The following PAM variants were observed in gnomAD, a reference collection of about 807,000 sequenced individuals.
PAM encodes peptidylglycine alpha-amidating monooxygenase.
A neutral mutation model predicts 122.1 loss-of-function variants in PAM; 72 were observed. The ratio of observed to expected loss-of-function variants is 0.59; its 90% confidence interval spans 0.49 to 0.72. PAM has a LOEUF of 0.72. PAM is among the 30% of genes least tolerant of loss of function. The pLI is 0.00. For missense variants in PAM, 1,106 were observed against 1,183.7 expected (o/e 0.93, Z 0.96); for synonymous variants, 389 against 404.4 (o/e 0.96, Z 0.46).
chr5:102,881,258 GA>G (rs1472405362), intron 3 of PAM, among the ~76,000 whole-genome samples: 2 of 151,730 alleles, frequency 1.3e-5, no homozygotes, highest in Non-Finnish European at 2.9e-5. Flanking sequence ...AGTTCCTATA[GA>G]TTTTGAAGAA....
intron 14 of PAM, among the ~76,000 whole-genome samples, chr5:102,972,737 G>C (rs1445149009): frequency 6.6e-6 from 1 of 152,174 alleles, no homozygotes; most frequent in African/African-American, 2.4e-5. Context: ...TTTTTCTTCT[G>C]TGAGGCAGAA....
At chr5:102,775,780 G>C (rs996276050) in intron 1 of PAM, among the ~76,000 whole-genome samples, 5 of 152,052 alleles carry the variant, frequency 3.3e-5, no homozygotes, top group Non-Finnish European at 5.9e-5. Flanking sequence ...TTGCTATTGT[G>C]AATAGTGCTG....
intron 3 of PAM, among the ~76,000 whole-genome samples, chr5:102,883,928 G>A (rs1430173986): frequency 6.6e-6 from 1 of 151,870 alleles, no homozygotes; most frequent in African/African-American, 2.4e-5. Context: ...ATAAAGGGAT[G>A]TTGGATTTTG....
chr5:102,786,135 T>A (rs1405615498), intron 1 of PAM, among the ~76,000 whole-genome samples: 1 of 152,184 alleles, frequency 6.6e-6, no homozygotes, highest in Non-Finnish European at 1.5e-5. Flanking sequence ...GAGAAAGAAC[T>A]GAGAGGACAC....
At chr5:102,955,032 AAC>A (rs1278824140) in intron 12 of PAM, among the ~76,000 whole-genome samples, 1 of 152,152 alleles carries the variant, frequency 6.6e-6, no homozygotes, top group Non-Finnish European at 1.5e-5. Flanking sequence ...AGAAATGATT[AAC>A]AGTTTTGTAA....
At position 102,910,555 on chromosome 5, in the gene PAM, G is replaced by A. The variant is rs17154828; in HGVS notation, c.269-3379G>A. 3.9e-3 allele frequency among the ~76,000 whole-genome samples: 592 copies of A among 151,924 alleles called. 21 individuals carry two copies. The South Asian group carries it at 0.091, about 23-fold the overall frequency. ...TGAACTGTTAGCTCCCATTGAGACC[G>A]AAGTACCATTTCCACTTAAGCAACT... On this transcript the variant is annotated intron_variant, in intron 4 of 25. Transcript: ENST00000438793.
chr5:102,847,849 C>T (rs957059358), intron 1 of PAM, among the ~76,000 whole-genome samples: 1 of 152,186 alleles, frequency 6.6e-6, no homozygotes, highest in Non-Finnish European at 1.5e-5. Flanking sequence ...CTACATCCTA[C>T]AATTTCTTCC....
intron 3 of PAM, among the ~76,000 whole-genome samples, chr5:102,890,436 C>G (rs1466532094): frequency 3.3e-5 from 5 of 151,844 alleles, no homozygotes; most frequent in Non-Finnish European, 7.4e-5. Context: ...CTCATTCCTT[C>G]TGAATTTGTC....
At chr5:103,003,298 T>C (rs1400827387) in intron 17 of PAM, 149 bp downstream of exon 17, 5 of 527,656 alleles carry the variant, frequency 9.5e-6, no homozygotes, top group African/African-American at 1.9e-5. Context: ...ATTTTCTACA[T>C]AGGTGTTTCT....
chr5:102,924,060 C>T (rs1748414338), intron 5 of PAM, among the ~76,000 whole-genome samples: 1 of 152,116 alleles, frequency 6.6e-6, no homozygotes, highest in South Asian at 2.1e-4. Flanking sequence ...AATTAAGTAA[C>T]TTGCATAATA....
intron 22 of PAM, 151 bp from the exon 23 acceptor site, chr5:103,019,639 G>A: frequency 1.6e-6 from 1 of 611,354 alleles, no homozygotes; most frequent in Non-Finnish European, 3.0e-6. Flanking sequence ...CACCTAATTA[G>A]TGGTTTGTAT....
chr5:102,888,883 C>T (rs947333254), intron 3 of PAM, among the ~76,000 whole-genome samples: 2 of 151,728 alleles, frequency 1.3e-5, no homozygotes, highest in Non-Finnish European at 2.9e-5. Flanking sequence ...ATCACATGAA[C>T]ACTTGGCACC....
At chr5:102,982,973 A>G (rs966843835) in intron 15 of PAM, among the ~76,000 whole-genome samples, 1 of 152,182 alleles carries the variant, frequency 6.6e-6, no homozygotes, top group Non-Finnish European at 1.5e-5. Flanking sequence ...AATAATTCAG[A>G]AAAACAGTTT....
intron 21 of PAM, among the ~76,000 whole-genome samples, chr5:103,011,376 A>T (rs1190660573): frequency 7.4e-6 from 1 of 135,838 alleles, no homozygotes; most frequent in Non-Finnish European, 1.6e-5. Context: ...ACAAACACAC[A>T]CTCACACACA....
chr5:103,029,255 T>C lies in PAM; in HGVS notation c.*190T>C, dbSNP rs1011961565. ...AGTTGAGGAGTTTCCTAAAAGTTCA[T>C]AACAGTGCCATTGTCTTTATATGAA... On this transcript the variant is annotated 3_prime_UTR_variant, in exon 26 of 26. Transcript: ENST00000438793. 9 of 434,210 alleles carry C rather than the reference T, an allele frequency of 2.1e-5. No individual in the cohort carries two copies. In the Admixed American group the frequency reaches 3.7e-4, roughly 18 times the overall value. The allele number at this position is 434,210 out of a possible 1,614,324, so 26.9% of individuals were successfully genotyped here. A position where few individuals can be genotyped will look rare whatever the true frequency, so the allele number is the denominator to read the frequency against.
intron 1 of PAM, among the ~76,000 whole-genome samples, chr5:102,843,331 C>A (rs113155576): frequency 1.3e-5 from 2 of 152,188 alleles, no homozygotes; most frequent in African/African-American, 4.8e-5. Flanking sequence ...AAACAAATGA[C>A]AAAGAACTTC....
intron 22 of PAM, among the ~76,000 whole-genome samples, chr5:103,019,112 C>T (rs1782848114): frequency 6.6e-6 from 1 of 150,956 alleles, no homozygotes; most frequent in Admixed American, 6.6e-5. Flanking sequence ...TGGTTTGAAA[C>T]TCAGAAGATG....
intron 16 of PAM, among the ~76,000 whole-genome samples, chr5:102,995,968 T>C (rs1022291708): frequency 6.6e-6 from 1 of 152,038 alleles, no homozygotes; most frequent in Non-Finnish European, 1.5e-5. Flanking sequence ...TTTCTCTAGC[T>C]TCTTAATTTA....
At chr5:102,946,975 G>A (rs980600029) in intron 8 of PAM, 90 bp downstream of exon 8, 2 of 839,708 alleles carry the variant, frequency 2.4e-6, no homozygotes, top group Non-Finnish European at 4.0e-6. Flanking sequence ...TTATCTGTGG[G>A]TAAAAATTAA....
Sources: allele counts gnomAD v4.1 joint callset (sites outside exome capture counted in the v4.1 genomes callset), GRCh38; gene constraint gnomAD v4.1.1; transcripts MANE v1.5; gene names NCBI Gene and HGNC (gene_info 2026-07-23, HGNC 2026-07-21).